PCDHGA10: variants seen among roughly 807,000 people sequenced by gnomAD.
PCDHGA10 encodes protocadherin gamma subfamily A, 10.
PCDHGA10 carries 42 observed loss-of-function variants against 59.5 expected under a neutral mutation model. The ratio of observed to expected loss-of-function variants is 0.71; its 90% CI spans 0.55 to 0.91. The LOEUF (loss-of-function observed/expected upper bound fraction) is 0.91. Ranked by LOEUF, PCDHGA10 falls within the 40% of genes least tolerant of loss-of-function variation. The probability of loss-of-function intolerance (pLI) is 0.00; values close to 1 mark genes in which losing one functional copy is unlikely to be tolerated. For synonymous variants in PCDHGA10, 511 were observed against 517.2 expected, an observed-to-expected ratio of 0.99 and a Z score of 0.16; for missense variants, 1,111 against 1,198.2, an observed-to-expected ratio of 0.93 and a Z score of 1.07.
At chr5:141,443,538 G>C (rs768723399) in intron 1 of PCDHGA10, among the ~76,000 whole-genome samples, 11 of 152,118 alleles carry the variant, frequency 7.2e-5, no homozygotes. Flanking sequence ...TTTAAAGCTT[G>C]GGAAATTGTT....
chr5:141,435,760 T>C (rs1241767830), intron 1 of PCDHGA10, among the ~76,000 whole-genome samples: 1 of 152,172 alleles, frequency 6.6e-6, no homozygotes, highest in Non-Finnish European at 1.5e-5. Context: ...TTGATTTCTT[T>C]TGGTGAATTC....
intron 1 of PCDHGA10, chr5:141,417,692 C>T (rs2096147964): frequency 1.8e-6 from 2 of 1,089,118 alleles, no homozygotes; most frequent in Non-Finnish European, 2.5e-6. Flanking sequence ...AAAAGAAAAC[C>T]AGCTCCCACA....
chr5:141,472,980 CA>C (rs60579131), intron 1 of PCDHGA10, among the ~76,000 whole-genome samples: 39,687 of 85,940 alleles, frequency 0.46, 5,633 homozygotes, highest in African/African-American at 0.56. Flanking sequence ...GAGTGAAACT[CA>C]AAAAAAAAAA....
At chr5:141,421,705 G>C (rs1249601582) in intron 1 of PCDHGA10, 1 of 1,613,944 alleles carries the variant, frequency 6.2e-7, no homozygotes, top group Non-Finnish European at 8.5e-7. Context: ...TAATGCTAGG[G>C]ATCCAGATGT....
intron 1 of PCDHGA10, chr5:141,421,220 A>T (rs1178268746): frequency 6.3e-7 from 1 of 1,575,620 alleles, no homozygotes; most frequent in East Asian, 2.3e-5. Context: ...ATCGGCTTAG[A>T]GCCTGCCATG....
At position 141,489,635 on chromosome 5, in the gene PCDHGA10, G is replaced by C. The variant is rs1380466520; in HGVS notation, c.2437-5172G>C. 2 of 1,614,142 alleles carry C rather than the reference G, an allele frequency of 1.2e-6. No homozygotes were observed. The highest frequency in any genetic ancestry group is 3.3e-5 in the Admixed American group (2 of 60,016). ...CTGGATCTCAATGACAACTCTCCTAGCTTTGCCACCCCTGAGCGAGAGATG... is the reference window on the plus strand; with the variant it reads ...CTGGATCTCAATGACAACTCTCCTACCTTTGCCACCCCTGAGCGAGAGATG... On this transcript the variant is annotated intron_variant, in intron 1 of 3. Transcript: ENST00000398610. This position sits in a 1 kb window ranked among gnomAD's most constrained non-coding sequence, Gnocchi z 4.5.
chr5:141,417,230 T>C (rs2096097492), intron 1 of PCDHGA10: 1 of 152,210 alleles, frequency 6.6e-6, no homozygotes, highest in Non-Finnish European at 1.5e-5. Context: ...AAAAAATTTG[T>C]TGCTTATCTT....
intron 1 of PCDHGA10, among the ~76,000 whole-genome samples, chr5:141,425,410 A>G (rs1283299220): frequency 2.0e-5 from 3 of 152,240 alleles, no homozygotes; most frequent in African/African-American, 7.2e-5. Flanking sequence ...TTAAGGTATA[A>G]CATATAGTCC....
chr5:141,447,056 G>A (rs1452688256), intron 1 of PCDHGA10, among the ~76,000 whole-genome samples: 1 of 152,058 alleles, frequency 6.6e-6, no homozygotes, highest in Non-Finnish European at 1.5e-5. Flanking sequence ...CTATTAAAAT[G>A]TGTCAGGCTG....
rs539348000 is a variant in PCDHGA10 at position 141,504,908 on chromosome 5, G to A, written c.2496-485G>A. 5.9e-5 allele frequency among the ~76,000 whole-genome samples: 9 copies of A among 152,208 alleles called. No homozygotes were observed. In the East Asian group the frequency reaches 1.7e-3, roughly 29 times the overall value. On this transcript the variant is annotated intron_variant, in intron 2 of 3. Coordinates refer to ENST00000398610, the MANE Select transcript of PCDHGA10 (RefSeq NM_018913.3). Reference sequence around the variant, plus strand: ...AGGTCTGATCTCCCTCACTATGACAGGAAGCCAGGCTCTCTCATGGTGGGT... The same window carrying A: ...AGGTCTGATCTCCCTCACTATGACAAGAAGCCAGGCTCTCTCATGGTGGGT...
intron 1 of PCDHGA10, among the ~76,000 whole-genome samples, chr5:141,456,640 TG>T (rs1258175023): frequency 6.6e-6 from 1 of 152,130 alleles, no homozygotes; most frequent in Non-Finnish European, 1.5e-5. Flanking sequence ...TTACTACAGG[TG>T]TTAATCCCAA....
Position 141,414,834 on chromosome 5 carries a change from C to T in PCDHGA10, c.1659C>T (p.Ser553=). The T allele has an allele frequency of 6.2e-7, 1 of 1,614,252 alleles. No homozygotes were observed. Among genetic ancestry groups the T allele is most frequent in the South Asian group, 1.1e-5 (1 of 91,086 alleles). The change falls in exon 1 of 4, where the codon AGC becomes AGT. Residue 553 remains serine, a synonymous_variant. Coordinates refer to ENST00000398610, the MANE Select transcript of PCDHGA10 (RefSeq NM_018913.3). ...CACTCAGCAGCAACGTGTCGTTGAG[C>T]CTGTTTGTGCTGGACCAGAACGACA... The part of the protein sequence containing the change: ...DPPLSSNVSL[S]LFVLDQNDNA...
In PCDHGA10 at chr5:141,413,750, G is replaced by T. The variant is rs1325273363; in HGVS notation, c.575G>T (p.Gly192Val). Residue 192 changes from glycine to valine, a missense_variant, in exon 1 of 4, where the codon GGC (glycine) becomes GTC (valine). Gly to Val is a moderately radical substitution (Grantham distance 109). Coordinates refer to ENST00000398610, the MANE Select transcript of PCDHGA10 (RefSeq NM_018913.3). ...CTAAGAGTTCAGAGCCGTGCCAATG[G>T]CGTCAAGTACCCGGAGCTGGTACTG... ...FSLRVQSRAN[G>V]VKYPELVLEH... The T allele has an allele frequency of 6.2e-7, 1 of 1,612,538 alleles. No individual in the cohort carries two copies. Among genetic ancestry groups the T allele is most frequent in the African/African-American group, 1.3e-5 (1 of 74,568 alleles).
chr5:141,471,630 G>T (rs2099261496), intron 1 of PCDHGA10: 1 of 152,108 alleles, frequency 6.6e-6, no homozygotes, highest in African/African-American at 2.4e-5. Context: ...GCATTGGTAT[G>T]GATTAGTAAT....
chr5:141,459,105 T>C (rs904382532), intron 1 of PCDHGA10, among the ~76,000 whole-genome samples: 7 of 152,208 alleles, frequency 4.6e-5, no homozygotes, highest in Non-Finnish European at 7.4e-5. Flanking sequence ...GCAATGCATT[T>C]TGACAATTGT....
Position 141,485,842 on chromosome 5 carries a change from T to G in PCDHGA10, c.2437-8965T>G. 4 of 1,614,002 alleles carry G rather than the reference T, an allele frequency of 2.5e-6. No homozygotes were observed. The highest frequency in any genetic ancestry group is 3.4e-6 in the Non-Finnish European group (4 of 1,179,982). On this transcript the variant is annotated intron_variant, in intron 1 of 3. Coordinates refer to ENST00000398610, the MANE Select transcript of PCDHGA10 (RefSeq NM_018913.3). The surrounding 1 kb of genome is among the most constrained non-coding windows in gnomAD (Gnocchi z 5.7). ...TCGATGGAGGGAACCCGCCGAGATC[T>G]GGCACCGCAGAGCTCCGGGTATCCG...
chr5:141,486,175 C>T lies in PCDHGA10; in HGVS notation c.2437-8632C>T. ...GTTCTCCAGCCATGGAGCAACATTG[C>T]AGCCTTCGAGTGGATCTGCTGGACG... On this transcript the variant is annotated intron_variant, in intron 1 of 3. Transcript: ENST00000398610. The surrounding 1 kb of genome is among the most constrained non-coding windows in gnomAD (Gnocchi z 5.0). 1 of 1,614,210 alleles carries T rather than the reference C, an allele frequency of 6.2e-7. No individual in the cohort carries two copies.
At chr5:141,426,432 C>T (rs1239073805) in intron 1 of PCDHGA10, 2 of 295,812 alleles carry the variant, frequency 6.8e-6, no homozygotes, top group African/African-American at 2.2e-5. Flanking sequence ...TGGTGGGGAA[C>T]CTTGCGGAGG....
In PCDHGA10 at chr5:141,490,455, G is replaced by A. The variant is rs746957706; in HGVS notation, c.2437-4352G>A. The A allele has an allele frequency of 9.3e-6, 15 of 1,614,010 alleles. No individual in the cohort carries two copies. The highest frequency in any genetic ancestry group is 2.2e-5 in the South Asian group (2 of 91,084). ...TTAAGCCTTCTGAGAACCACTACTC[G>A]CTGCTAACCAGCCAGCCTTTGGACC... On this transcript the variant is annotated intron_variant, in intron 1 of 3. Coordinates refer to ENST00000398610, the MANE Select transcript of PCDHGA10 (RefSeq NM_018913.3). The surrounding 1 kb of genome is among the most constrained non-coding windows in gnomAD (Gnocchi z 5.4).
Sources: allele counts gnomAD v4.1 joint callset (sites outside exome capture counted in the v4.1 genomes callset), GRCh38; gene constraint gnomAD v4.1.1; non-coding constraint Gnocchi (gnomAD v3.1); transcripts MANE v1.5; gene names NCBI Gene and HGNC (gene_info 2026-07-23, HGNC 2026-07-21).